Variants in EFCAB11 observed in about 807,000 individuals in gnomAD.
The protein encoded by EFCAB11 is EF-hand calcium binding domain 11, also known as EF-hand calcium-binding domain-containing protein 11.
In EFCAB11, 14 loss-of-function variants were observed where a neutral mutation model predicts 23.0. The observed-to-expected ratio is 0.61, with a 90% CI of 0.40 to 0.95. The LOEUF is 0.95. Among genes scored for constraint, EFCAB11 ranks in the 40% least tolerant of loss-of-function variants. The pLI is 0.00. For synonymous variants in EFCAB11, 65 were observed against 66.6 expected (o/e 0.98, Z 0.11); for missense variants, 198 against 195.8 (o/e 1.01, Z -0.07).
Position 89,865,710 on chromosome 14 carries a change from C to G in EFCAB11, c.410+65831G>C, listed in dbSNP as rs879284979. Among the ~76,000 whole-genome samples the G allele has an allele frequency of 7.2e-5, 11 of 151,970 alleles. No homozygotes were observed. The East Asian group carries it at 2.1e-3, about 30-fold the overall frequency. ...GATGGAGTCTCACTCTGTCGCCCAG[C>G]CTGGAGTGCAGTGGCGCGATCTCAG... On this transcript the variant is annotated intron_variant, in intron 5 of 5. Transcript: ENST00000316738.
intron 5 of EFCAB11, among the ~76,000 whole-genome samples, chr14:89,915,330 C>G (rs1004560073): frequency 6.6e-6 from 1 of 152,266 alleles, no homozygotes; most frequent in Admixed American, 6.5e-5. Context: ...TTAGAAAATG[C>G]GATAATTTGG....
intron 5 of EFCAB11, among the ~76,000 whole-genome samples, chr14:89,807,196 G>T (rs1293938585): frequency 6.6e-6 from 1 of 152,188 alleles, no homozygotes; most frequent in East Asian, 1.9e-4. Flanking sequence ...TAGATTTCTA[G>T]CAGGTTATGA....
intron 5 of EFCAB11, among the ~76,000 whole-genome samples, chr14:89,802,672 C>T (rs1445338808): frequency 1.3e-5 from 2 of 152,148 alleles, no homozygotes; most frequent in African/African-American, 2.4e-5. Flanking sequence ...GGATTATAGG[C>T]GTGAGCCACT....
chr14:89,888,329 A>G (rs536805203), intron 5 of EFCAB11, among the ~76,000 whole-genome samples: 1 of 152,368 alleles, frequency 6.6e-6, no homozygotes, highest in South Asian at 2.1e-4. Flanking sequence ...ATTGCTATAA[A>G]GAAATATCTG....
intron 5 of EFCAB11, among the ~76,000 whole-genome samples, chr14:89,810,100 C>A: frequency 6.6e-6 from 1 of 152,348 alleles, no homozygotes; most frequent in Non-Finnish European, 1.5e-5. Context: ...TTCCTCCTCA[C>A]CTGCCTATGA....
chr14:89,815,468 C>T (rs1253081442), intron 5 of EFCAB11, among the ~76,000 whole-genome samples: 2 of 152,008 alleles, frequency 1.3e-5, no homozygotes, highest in African/African-American at 4.8e-5. Flanking sequence ...GTTCTGTCGC[C>T]CAGGCTGGAG....
At chr14:89,927,805 T>A (rs1377606205) in intron 5 of EFCAB11, among the ~76,000 whole-genome samples, 1 of 152,124 alleles carries the variant, frequency 6.6e-6, no homozygotes, top group Non-Finnish European at 1.5e-5. Flanking sequence ...CACTACAACT[T>A]CGACCTCCCG....
chr14:89,952,226 AT>A (rs1337262514), intron 2 of EFCAB11, among the ~76,000 whole-genome samples: 3 of 152,232 alleles, frequency 2.0e-5, no homozygotes, highest in Non-Finnish European at 4.4e-5. Flanking sequence ...TGCTTAAAAA[AT>A]AAAATAGAAA....
intron 5 of EFCAB11, among the ~76,000 whole-genome samples, chr14:89,829,231 C>G (rs113119796): frequency 2.9e-3 from 446 of 152,298 alleles, no homozygotes; most frequent in Non-Finnish European, 4.8e-3. Context: ...GACTAAGGAG[C>G]TTGTACCAGA....
intron 5 of EFCAB11, among the ~76,000 whole-genome samples, chr14:89,928,332 T>C (rs1890259097): frequency 6.6e-6 from 1 of 152,168 alleles, no homozygotes; most frequent in Non-Finnish European, 1.5e-5. Flanking sequence ...AACTTTCTGA[T>C]GTCTCTAGAA....
chr14:89,953,661 TGTATTTATA>T (rs1891282231), intron 2 of EFCAB11, among the ~76,000 whole-genome samples: 1 of 152,218 alleles, frequency 6.6e-6, no homozygotes. Flanking sequence ...TCTAGCATCT[TGTATTTATA>T]GTAGTTATTA....
At chr14:89,931,730 C>T in intron 4 of EFCAB11, 99 bp from the exon 5 acceptor site, 3 of 915,574 alleles carry the variant, frequency 3.3e-6, no homozygotes, top group Non-Finnish European at 5.1e-6. Context: ...TAATATATTA[C>T]TAGGAGAAAA....
intron 5 of EFCAB11, among the ~76,000 whole-genome samples, chr14:89,809,935 C>A (rs74421647): frequency 7.9e-4 from 121 of 152,284 alleles, no homozygotes; most frequent in African/African-American, 2.8e-3. Flanking sequence ...AATTTCCCCC[C>A]ACAATTTAAA....
chr14:89,829,213 G>A (rs1420811214), intron 5 of EFCAB11, among the ~76,000 whole-genome samples: 2 of 152,186 alleles, frequency 1.3e-5, no homozygotes, highest in African/African-American at 2.4e-5. Flanking sequence ...TTCTGGAGGA[G>A]TTATCCTGAC....
chr14:89,949,962 C>T, intron 3 of EFCAB11, 135 bp downstream of exon 3: 10 of 955,596 alleles, frequency 1.0e-5, no homozygotes, highest in Non-Finnish European at 1.5e-5. Context: ...AAACCCGCCC[C>T]CATGATTCAG....
chr14:89,862,747 T>C (rs938297661), intron 5 of EFCAB11, among the ~76,000 whole-genome samples: 2 of 152,216 alleles, frequency 1.3e-5, no homozygotes, highest in Non-Finnish European at 2.9e-5. Context: ...TAATGTATCA[T>C]AGATAACAAC....
intron 5 of EFCAB11, among the ~76,000 whole-genome samples, chr14:89,807,912 G>C (rs1886022970): frequency 1.3e-5 from 2 of 152,076 alleles, no homozygotes; most frequent in African/African-American, 4.8e-5. Flanking sequence ...TATTACTCAG[G>C]AATCAATAAG....
At chr14:89,837,380 C>G (rs1298138403) in intron 5 of EFCAB11, among the ~76,000 whole-genome samples, 1 of 151,996 alleles carries the variant, frequency 6.6e-6, no homozygotes, top group East Asian at 1.9e-4. Context: ...TCCCTGCTTC[C>G]TTCTGGTAAT....
chr14:89,867,129 A>T (rs1213588200), intron 5 of EFCAB11, among the ~76,000 whole-genome samples: 1 of 152,204 alleles, frequency 6.6e-6, no homozygotes, highest in African/African-American at 2.4e-5. Flanking sequence ...TTATAAACTG[A>T]GTATGAAGCC....
Sources: allele counts gnomAD v4.1 joint callset (sites outside exome capture counted in the v4.1 genomes callset), GRCh38; gene constraint gnomAD v4.1.1; transcripts MANE v1.5; gene names NCBI Gene and HGNC (gene_info 2026-07-23, HGNC 2026-07-21).